The following KAT7 variants were observed in gnomAD, a reference collection of about 807,000 sequenced individuals.
KAT7 encodes histone acetyltransferase KAT7.
A neutral mutation model predicts 82.1 loss-of-function variants in KAT7; 10 were observed. The ratio of observed to expected loss-of-function variants is 0.12; its 90% CI spans 0.08 to 0.21. The LOEUF is 0.21. KAT7 is among the 10% of genes least tolerant of loss of function. The pLI, the probability that KAT7 is intolerant of heterozygous loss-of-function variation, is 1.00. For synonymous variants in KAT7, 250 were observed against 262.5 expected (o/e 0.95, Z 0.46); for missense variants, 378 against 760.9 (o/e 0.50, Z 5.92).
At chr17:49,815,319 C>T (rs2074220923) in intron 7 of KAT7, 1 of 152,468 alleles carries the variant, frequency 6.6e-6, no homozygotes, top group African/African-American at 2.4e-5. Context: ...CTGCCCCTCC[C>T]TTCCTGCAGA....
chr17:49,798,100 A>G (rs1232326775), intron 3 of KAT7, among the ~76,000 whole-genome samples: 1 of 152,252 alleles, frequency 6.6e-6, no homozygotes, highest in Admixed American at 6.5e-5. Context: ...GGTGTAATAG[A>G]TGAAGTACAA....
intron 2 of KAT7, among the ~76,000 whole-genome samples, chr17:49,795,107 T>A (rs538944031): frequency 2.6e-5 from 4 of 151,918 alleles, no homozygotes; most frequent in African/African-American, 9.7e-5. Flanking sequence ...GAAAAAAAAA[T>A]TAATTAATTA....
chr17:49,794,536 TC>T (rs770797942), intron 2 of KAT7, among the ~76,000 whole-genome samples: 3 of 152,188 alleles, frequency 2.0e-5, no homozygotes, highest in Non-Finnish European at 2.9e-5. Flanking sequence ...TCTGCCCGCC[TC>T]GGCCTCCCAA....
intron 14 of KAT7, chr17:49,827,184 C>G (rs1003225770): frequency 7.3e-6 from 4 of 549,148 alleles, no homozygotes; most frequent in African/African-American, 1.9e-5. Context: ...CAATAAAGGT[C>G]GGTGAGCGAT....
rs746852006 is a variant in KAT7 at position 49,798,571 on chromosome 17, T to C, written c.580+13T>C. 1.3e-6 allele frequency: 2 copies of C among 1,585,024 alleles called. No individual in the cohort carries two copies. On this transcript the variant is annotated intron_variant, in intron 4 of 14. Coordinates refer to ENST00000259021, the MANE Select transcript of KAT7 (RefSeq NM_007067.5). ...TGTAACTCTCTAGGTCAGTGTGCCCTAGCTTCATGACATCCTTTGTTCTGT... is the reference window on the plus strand; with the variant it reads ...TGTAACTCTCTAGGTCAGTGTGCCCCAGCTTCATGACATCCTTTGTTCTGT...
At chr17:49,798,244 C>T in intron 3 of KAT7, 75 bp from the exon 4 acceptor site, 2 of 1,394,398 alleles carry the variant, frequency 1.4e-6, no homozygotes, top group Non-Finnish European at 2.0e-6. Context: ...ACCTGGGAAG[C>T]CCATAAACTC....
intron 2 of KAT7, among the ~76,000 whole-genome samples, chr17:49,794,983 T>A (rs920256990): frequency 6.6e-6 from 1 of 152,104 alleles, no homozygotes; most frequent in Non-Finnish European, 1.5e-5. Context: ...TTTTCTTCTT[T>A]AGAGAATCTA....
chr17:49,807,531 C>T (rs944659677), intron 5 of KAT7, among the ~76,000 whole-genome samples: 1 of 152,166 alleles, frequency 6.6e-6, no homozygotes, highest in Non-Finnish European at 1.5e-5. Flanking sequence ...GACCTTGGCA[C>T]AGGAGTATAT....
chr17:49,825,725 A>G (rs1210445929), intron 12 of KAT7, among the ~76,000 whole-genome samples: 1 of 152,180 alleles, frequency 6.6e-6, no homozygotes, highest in Non-Finnish European at 1.5e-5. Flanking sequence ...ATTTGGTACT[A>G]CCCACAGTTT....
chr17:49,788,731 G>A lies in KAT7; in HGVS notation c.-104G>A, dbSNP rs1282410116. 3.0e-6 allele frequency: 4 copies of A among 1,318,046 alleles called. No individual in the cohort carries two copies. The African/African-American group carries it at 6.0e-5, about 20-fold the overall frequency. 81.6% of individuals were successfully genotyped at this position (1,318,046 alleles called of 1,614,324 possible). A position where few individuals can be genotyped will look rare whatever the true frequency, so the allele number is the denominator to read the frequency against. ...CAGGAGGCACTAGGGATCGTCCGCAGGATTGGGACTGATACAGAGGCCGCC... is the reference window on the plus strand; with the variant it reads ...CAGGAGGCACTAGGGATCGTCCGCAAGATTGGGACTGATACAGAGGCCGCC... On this transcript the variant is annotated 5_prime_UTR_variant, in exon 1 of 15. Transcript: ENST00000259021.
chr17:49,823,423 T>C (rs2074329939), intron 12 of KAT7, 128 bp downstream of exon 12: 2 of 631,460 alleles, frequency 3.2e-6, no homozygotes, highest in Non-Finnish European at 2.8e-6. Flanking sequence ...AGTAAATGAA[T>C]GAACAAGTAG....
Position 49,823,255 on chromosome 17 carries a change from G to A in KAT7, c.1440G>A (p.Gln480=). 3.1e-6 allele frequency: 5 copies of A among 1,606,084 alleles called. No individual in the cohort carries two copies. The highest frequency in any genetic ancestry group is 4.3e-6 in the Non-Finnish European group (5 of 1,173,030). Residue 480 remains glutamine, a synonymous_variant, in exon 12 of 15, where the codon CAG becomes CAA. Coordinates refer to ENST00000259021, the MANE Select transcript of KAT7 (RefSeq NM_007067.5). The part of the protein sequence containing the change: ...YNVSCILTMP[Q]YMRQGYGKML... The stretch of plus-strand genomic sequence containing the variant: ...TCTCCTGTATCCTTACTATGCCTCA[G>A]TACATGAGACAGGGCTATGGCAAGA...
chr17:49,800,160 T>C (rs886297795), intron 4 of KAT7, among the ~76,000 whole-genome samples: 4 of 151,976 alleles, frequency 2.6e-5, no homozygotes, highest in East Asian at 2.0e-4. Flanking sequence ...TACAGGCGCC[T>C]GCCACCATGC....
At chr17:49,800,684 A>G (rs1204653651) in intron 4 of KAT7, among the ~76,000 whole-genome samples, 1 of 152,158 alleles carries the variant, frequency 6.6e-6, no homozygotes, top group East Asian at 1.9e-4. Context: ...TTAAGTTATG[A>G]GGATGTAGCT....
intron 2 of KAT7, among the ~76,000 whole-genome samples, chr17:49,792,469 C>G (rs753082433): frequency 1.3e-5 from 2 of 151,848 alleles, no homozygotes; most frequent in Non-Finnish European, 2.9e-5. Context: ...GGTGCTAAAA[C>G]AATATGCATT....
chr17:49,825,236 CT>C (rs2074354723), intron 12 of KAT7, among the ~76,000 whole-genome samples: 2 of 152,298 alleles, frequency 1.3e-5, no homozygotes, highest in East Asian at 1.9e-4. Flanking sequence ...GGTGTTTAGA[CT>C]TTACAACTAG....
chr17:49,810,023 G>A (rs909273299), intron 6 of KAT7, among the ~76,000 whole-genome samples: 5 of 152,154 alleles, frequency 3.3e-5, no homozygotes, highest in Non-Finnish European at 5.9e-5. Flanking sequence ...TTTGACTTTG[G>A]AGCCAAACAG....
At chr17:49,798,696 T>C in intron 4 of KAT7, 138 bp downstream of exon 4, 1 of 787,604 alleles carries the variant, frequency 1.3e-6, no homozygotes, top group Non-Finnish European at 2.0e-6. Context: ...AATGAGTTGC[T>C]CACTTGAATA....
At chr17:49,789,567 C>G (rs2073857623) in intron 1 of KAT7, 1 of 152,226 alleles carries the variant, frequency 6.6e-6, no homozygotes, top group Non-Finnish European at 1.5e-5. Context: ...CCCGTCGTTT[C>G]TTCTTACAGC....
Sources: allele counts gnomAD v4.1 joint callset (sites outside exome capture counted in the v4.1 genomes callset), GRCh38; gene constraint gnomAD v4.1.1; transcripts MANE v1.5; gene names NCBI Gene and HGNC (gene_info 2026-07-23, HGNC 2026-07-21).